Variants in PTPRD observed in about 807,000 individuals in gnomAD.
PTPRD encodes receptor-type tyrosine-protein phosphatase delta.
Under a neutral mutation model 214.5 loss-of-function variants are expected in PTPRD, and 34 were observed. The observed-to-expected ratio is 0.16, with a 90% CI of 0.12 to 0.21. PTPRD has a LOEUF of 0.21. Ranked by LOEUF, PTPRD falls within the 10% of genes least tolerant of loss-of-function variation. The pLI is 1.00. For missense variants in PTPRD, 2,545 were observed against 2,398.7 expected, an observed-to-expected ratio of 1.06 and a Z score of -1.27; for synonymous variants, 1,128 against 845.7, an observed-to-expected ratio of 1.33 and a Z score of -5.79.
At chr9:9,229,690 G>C (rs960213168) in intron 9 of PTPRD, among the ~76,000 whole-genome samples, 1 of 151,880 alleles carries the variant, frequency 6.6e-6, no homozygotes, top group African/African-American at 2.4e-5. Flanking sequence ...GACAAAGCTG[G>C]GCTGACAAAA....
intron 2 of PTPRD, among the ~76,000 whole-genome samples, chr9:10,601,994 T>C (rs1327044973): frequency 6.6e-6 from 1 of 151,798 alleles, no homozygotes; most frequent in Non-Finnish European, 1.5e-5. Flanking sequence ...TACATATCTT[T>C]CACACCTGAA....
intron 3 of PTPRD, among the ~76,000 whole-genome samples, chr9:10,277,683 C>A (rs1306265620): frequency 1.3e-5 from 2 of 152,114 alleles, no homozygotes; most frequent in Non-Finnish European, 2.9e-5. Context: ...TAAAGAAATC[C>A]TCATGATTCA....
At position 8,376,701 on chromosome 9, in the gene PTPRD, C is replaced by G; in HGVS notation, c.4412G>C (p.Ser1471Thr). The change falls in exon 38 of 46, where the codon AGC becomes ACC. Residue 1471 changes from serine to threonine, a missense_variant. Transcript: ENST00000381196. ...SRVKCDQYWPSRGTETHGLVQ... is the reference protein window; with the variant it reads ...SRVKCDQYWPTRGTETHGLVQ... ...GAGTCCGTGGGTTTCTGTGCCTCTG[C>G]TAGGCCAATACTGGTCACACTTCAC... 6.2e-7 allele frequency: 1 copy of G among 1,613,002 alleles called. No homozygotes were observed. Among genetic ancestry groups the G allele is most frequent in the Non-Finnish European group, 8.5e-7 (1 of 1,179,310 alleles).
intron 5 of PTPRD, among the ~76,000 whole-genome samples, chr9:9,782,922 G>C (rs567146862): frequency 6.6e-6 from 1 of 152,132 alleles, no homozygotes; most frequent in East Asian, 1.9e-4. Flanking sequence ...AATACATGTT[G>C]ACTGACTTAT....
intron 2 of PTPRD, among the ~76,000 whole-genome samples, chr9:10,530,074 G>C (rs563933856): frequency 6.6e-6 from 1 of 152,090 alleles, no homozygotes; most frequent in Non-Finnish European, 1.5e-5. Context: ...GATTAAAAAA[G>C]TCAATTTAAA....
At chr9:10,069,901 C>A (rs1473150234) in intron 3 of PTPRD, among the ~76,000 whole-genome samples, 2 of 151,862 alleles carry the variant, frequency 1.3e-5, no homozygotes, top group Non-Finnish European at 2.9e-5. Context: ...AAGAAGAGAT[C>A]CTATGTATTT....
intron 3 of PTPRD, among the ~76,000 whole-genome samples, chr9:10,293,887 G>T (rs2095601009): frequency 6.6e-6 from 1 of 151,868 alleles, no homozygotes; most frequent in African/African-American, 2.4e-5. Flanking sequence ...AGAACAGCAA[G>T]GAATAAATAT....
intron 10 of PTPRD, among the ~76,000 whole-genome samples, chr9:9,121,325 A>G (rs188248074): frequency 2.0e-5 from 3 of 152,352 alleles, no homozygotes. Context: ...ACTACTGGGT[A>G]TCTACCCAGA....
chr9:9,892,916 T>C (rs1331753591), intron 5 of PTPRD, among the ~76,000 whole-genome samples: 1 of 151,672 alleles, frequency 6.6e-6, no homozygotes, highest in Non-Finnish European at 1.5e-5. Context: ...TCTGAAAAAA[T>C]AAAAGGAGAG....
intron 9 of PTPRD, among the ~76,000 whole-genome samples, chr9:9,243,817 G>A (rs750344690): frequency 1.3e-5 from 2 of 152,234 alleles, no homozygotes; most frequent in African/African-American, 2.4e-5. Context: ...ATGAAGTAAA[G>A]GGTATTCAAT....
chr9:8,493,976 GCGCACACA>G (rs1286701706), intron 26 of PTPRD, among the ~76,000 whole-genome samples: 1 of 147,116 alleles, frequency 6.8e-6, no homozygotes, highest in Non-Finnish European at 1.5e-5. Context: ...ACAGACACAT[GCGCACACA>G]CACAGACACA....
At chr9:8,348,815 C>T (rs1460184097) in intron 39 of PTPRD, among the ~76,000 whole-genome samples, 1 of 152,192 alleles carries the variant, frequency 6.6e-6, no homozygotes, top group African/African-American at 2.4e-5. Context: ...TTCACCTCAA[C>T]TGCTGCACCC....
At chr9:9,471,216 T>C (rs2094564624) in intron 8 of PTPRD, among the ~76,000 whole-genome samples, 1 of 152,222 alleles carries the variant, frequency 6.6e-6, no homozygotes, top group Non-Finnish European at 1.5e-5. Context: ...TGTGCATCTA[T>C]ATGTATCTAT....
intron 3 of PTPRD, among the ~76,000 whole-genome samples, chr9:10,129,499 CT>C (rs35281382): frequency 0.47 from 59,190 of 125,254 alleles, 13,936 homozygotes; most frequent in African/African-American, 0.57. Context: ...TTTTTCTTTC[CT>C]TTTTTTTTTT....
intron 12 of PTPRD, among the ~76,000 whole-genome samples, chr9:8,680,955 T>C (rs12338349): frequency 0.023 from 3,446 of 152,278 alleles, 83 homozygotes; most frequent in African/African-American, 0.052. Flanking sequence ...CAATGGAGGA[T>C]AGGAAAGGGA....
At chr9:9,860,514 T>A (rs2062497160) in intron 5 of PTPRD, among the ~76,000 whole-genome samples, 1 of 152,190 alleles carries the variant, frequency 6.6e-6, no homozygotes. Flanking sequence ...ATTTTACTGA[T>A]CTTTCTGGAT....
chr9:10,393,914 A>T (rs2098119755), intron 2 of PTPRD, among the ~76,000 whole-genome samples: 1 of 148,312 alleles, frequency 6.7e-6, no homozygotes, highest in Admixed American at 6.8e-5. Context: ...TATATACATT[A>T]TGCTTGATTA....
chr9:9,048,727 G>C (rs144651808), intron 10 of PTPRD, among the ~76,000 whole-genome samples: 2 of 152,208 alleles, frequency 1.3e-5, no homozygotes, highest in African/African-American at 4.8e-5. Flanking sequence ...AGAGTAGAAA[G>C]AATGAATAAG....
intron 5 of PTPRD, among the ~76,000 whole-genome samples, chr9:9,821,875 T>A (rs2050860025): frequency 6.6e-6 from 1 of 150,732 alleles, no homozygotes; most frequent in Non-Finnish European, 1.5e-5. Context: ...CATGCCTGTA[T>A]ATGTATGTGT....
Sources: allele counts gnomAD v4.1 joint callset (sites outside exome capture counted in the v4.1 genomes callset), GRCh38; gene constraint gnomAD v4.1.1; transcripts MANE v1.5; gene names NCBI Gene and HGNC (gene_info 2026-07-23, HGNC 2026-07-21).